The following UROC1 variants were observed in gnomAD, a reference collection of about 807,000 sequenced individuals.
The protein encoded by UROC1 is urocanate hydratase.
Under a neutral mutation model 89.5 loss-of-function variants are expected in UROC1, and 79 were observed. That is an observed-to-expected ratio of 0.88 (90% CI 0.74 to 1.06). UROC1 has a LOEUF of 1.06. Ranked by LOEUF, UROC1 falls within the 50% of genes least tolerant of loss-of-function variation. The pLI is 0.00. For synonymous variants in UROC1, 361 were observed against 354.8 expected, an observed-to-expected ratio of 1.02 and a Z score of -0.20; for missense variants, 885 against 907.8, an observed-to-expected ratio of 0.97 and a Z score of 0.32.
chr3:126,486,316 A>G (rs1935514737), intron 18 of UROC1, among the ~76,000 whole-genome samples: 1 of 152,212 alleles, frequency 6.6e-6, no homozygotes, highest in Admixed American at 6.5e-5. Context: ...TCCTCCCAAT[A>G]GGGAAAGGAG....
chr3:126,502,202 T>TTG (rs932628373), intron 9 of UROC1, among the ~76,000 whole-genome samples: 1 of 151,790 alleles, frequency 6.6e-6, no homozygotes, highest in African/African-American at 2.4e-5. Flanking sequence ...TTGCGTGTGT[T>TTG]TGTGTGTGTG....
chr3:126,482,337 T>G lies in UROC1; in HGVS notation c.*8A>C, dbSNP rs1259856100. 27 of 1,611,838 alleles carry G rather than the reference T, an allele frequency of 1.7e-5. No individual in the cohort carries two copies. The highest frequency in any genetic ancestry group is 1.9e-5 in the Non-Finnish European group (22 of 1,179,156). On this transcript the variant is annotated 3_prime_UTR_variant, in exon 20 of 20. Coordinates refer to ENST00000290868, the MANE Select transcript of UROC1 (RefSeq NM_144639.3). Reference sequence around the variant, plus strand: ...GAAGGGAGGCAGGGGCCGCGACTCCTGGCTCCCTCAGAGCTGCAGGGCCTG... The same window carrying G: ...GAAGGGAGGCAGGGGCCGCGACTCCGGGCTCCCTCAGAGCTGCAGGGCCTG...
chr3:126,501,559 G>A (rs1303365557), intron 9 of UROC1, among the ~76,000 whole-genome samples: 2 of 152,250 alleles, frequency 1.3e-5, no homozygotes, highest in African/African-American at 4.8e-5. Flanking sequence ...CATGGAATTC[G>A]GGTTATTGAT....
rs771230513 is a variant in UROC1 at position 126,505,687 on chromosome 3, G to A, written c.813+14C>T. On this transcript the variant is annotated intron_variant, in intron 8 of 19. Coordinates refer to ENST00000290868, the MANE Select transcript of UROC1 (RefSeq NM_144639.3). ...AGGCAGGCAGGAGCGAAGGCCAGGA[G>A]CCCCCCAGCTTACCTCTGCTATCAC... 62 of 1,613,182 alleles carry A rather than the reference G, an allele frequency of 3.8e-5. No homozygotes were observed. The highest frequency in any genetic ancestry group is 1.2e-4 in the African/African-American group (9 of 74,854).
chr3:126,482,130 A>G lies in UROC1; in HGVS notation c.*215T>C. ...CCTTCAGGGCTCCCATGCAAGTGGC[A>G]TGGTTGTGGACAGAGAGCTGCATGT... On this transcript the variant is annotated 3_prime_UTR_variant, in exon 20 of 20. Transcript: ENST00000290868. The G allele has an allele frequency of 1.5e-6, 1 of 654,802 alleles. No homozygotes were observed. Among genetic ancestry groups the G allele is most frequent in the Non-Finnish European group, 2.6e-6 (1 of 390,028 alleles). 40.6% of individuals were successfully genotyped at this position (654,802 alleles called of 1,614,324 possible).
At chr3:126,514,888 G>A (rs1432678675) in intron 1 of UROC1, among the ~76,000 whole-genome samples, 1 of 151,760 alleles carries the variant, frequency 6.6e-6, no homozygotes, top group Non-Finnish European at 1.5e-5. Context: ...GGTGAACTGG[G>A]GAATTTACAC....
intron 13 of UROC1, 102 bp from the exon 14 acceptor site, chr3:126,498,274 A>T: frequency 6.3e-7 from 1 of 1,596,644 alleles, no homozygotes; most frequent in Non-Finnish European, 8.5e-7. Context: ...TCCAGAAGTC[A>T]GGTGTGGAAC....
intron 6 of UROC1, among the ~76,000 whole-genome samples, chr3:126,506,292 A>G (rs2072562181): frequency 6.6e-6 from 1 of 152,108 alleles, no homozygotes; most frequent in Admixed American, 6.5e-5. Context: ...GGCTGTATAG[A>G]CTCCAGCTGA....
rs747452050 is a variant in UROC1 at position 126,483,413 on chromosome 3, C to T, written c.1846G>A (p.Glu616Lys). The T allele has an allele frequency of 7.4e-6, 12 of 1,613,658 alleles. No homozygotes were observed. In the African/African-American group the frequency reaches 1.5e-4, roughly 20 times the overall value. Residue 616 changes from glutamate (E) to lysine (K), a missense_variant, in exon 19 of 20, where the codon GAG becomes AAG. Transcript: ENST00000290868. ...CTGAGCATCAGCCTGGCTCTCCCCT[C>T]GGCCTCCGGGGTACCGTCCAGCACG... ...GLVLDGTPEA[E>K]GRARLMLSWD...
chr3:126,517,671 G>T lies in UROC1; in HGVS notation c.49C>A (p.Pro17Thr). The T allele has an allele frequency of 1.2e-6, 2 of 1,605,826 alleles. No homozygotes were observed. The highest frequency in any genetic ancestry group is 2.2e-5 in the East Asian group (1 of 44,474). The change falls in exon 1 of 20, where the codon CCA becomes ACA. Residue 17 changes from proline (P) to threonine (T), a missense_variant. Pro to Thr is a conservative substitution (Grantham distance 38, BLOSUM62 -1). Transcript: ENST00000290868. ...CCAGCCTGGCGTCCCCGGTTCTCTGGGAGGGGCCGCAGGGGCAGGCCAGAG... is the reference window on the plus strand; with the variant it reads ...CCAGCCTGGCGTCCCCGGTTCTCTGTGAGGGGCCGCAGGGGCAGGCCAGAG... Reference protein sequence around the residue: ...LCSGLPLRPLPENRGRQAGVP... With the variant: ...LCSGLPLRPLTENRGRQAGVP...
chr3:126,482,240 G>GAGA lies in UROC1; in HGVS notation c.*102_*104dup. On this transcript the variant is annotated 3_prime_UTR_variant, in exon 20 of 20. Transcript: ENST00000290868. ...CCATAAGGGCCACGTGAGGATGTGC[G>GAGA]AGAAGTGCAGGTAGTGCGGGTGTGC... 2 of 1,527,624 alleles carry GAGA rather than the reference G, an allele frequency of 1.3e-6. No homozygotes were observed. Among genetic ancestry groups the GAGA allele is most frequent in the Admixed American group, 3.4e-5 (2 of 58,000 alleles). 94.6% of individuals were successfully genotyped at this position (1,527,624 alleles called of 1,614,324 possible). A position where few individuals can be genotyped will look rare whatever the true frequency, so the allele number is the denominator to read the frequency against.
chr3:126,506,047 G>C (rs1936050867), intron 6 of UROC1, 36 bp from the exon 7 acceptor site: 2 of 1,612,668 alleles, frequency 1.2e-6, no homozygotes, highest in Admixed American at 3.3e-5. Flanking sequence ...CCAGGGCTCA[G>C]CCAGTGCCAG....
chr3:126,485,428 G>T (rs76868008), intron 18 of UROC1, among the ~76,000 whole-genome samples: 1 of 150,198 alleles, frequency 6.7e-6, no homozygotes, highest in Non-Finnish European at 1.5e-5. Flanking sequence ...GGCAGAAGGC[G>T]TGTGGGTGGG....
intron 9 of UROC1, among the ~76,000 whole-genome samples, chr3:126,502,581 T>A (rs1430236885): frequency 6.6e-6 from 1 of 152,112 alleles, no homozygotes; most frequent in Non-Finnish European, 1.5e-5. Flanking sequence ...TGTGTTTGTG[T>A]GTGCATGTGT....
intron 2 of UROC1, among the ~76,000 whole-genome samples, 189 bp downstream of exon 2, chr3:126,510,475 C>T (rs538334514): frequency 6.6e-6 from 1 of 152,334 alleles, no homozygotes; most frequent in East Asian, 1.9e-4. Context: ...AGGCTCAGGG[C>T]GGCAGCCAGC....
chr3:126,506,772 A>T (rs1936069029), intron 6 of UROC1, among the ~76,000 whole-genome samples: 1 of 152,228 alleles, frequency 6.6e-6, no homozygotes, highest in South Asian at 2.1e-4. Flanking sequence ...CTCCATTTAT[A>T]ATGCTTAATG....
chr3:126,502,825 GTGT>G (rs1042710404), intron 9 of UROC1, among the ~76,000 whole-genome samples: 1 of 150,832 alleles, frequency 6.6e-6, no homozygotes, highest in Non-Finnish European at 1.5e-5. Flanking sequence ...GTGCTTATGT[GTGT>G]TAAGTGTGTT....
intron 3 of UROC1, 121 bp downstream of exon 3, chr3:126,509,464 G>C: frequency 2.0e-6 from 2 of 1,005,362 alleles, no homozygotes; most frequent in East Asian, 5.2e-5. Flanking sequence ...TCTCTTACTA[G>C]CTTTGCAACT....
intron 15 of UROC1, among the ~76,000 whole-genome samples, chr3:126,494,518 A>G (rs1218198764): frequency 1.3e-5 from 2 of 152,012 alleles, no homozygotes; most frequent in East Asian, 3.9e-4. Context: ...AATGCAAACC[A>G]TTGCGTATGG....
Sources: gnomAD v4.1 joint callset for allele counts (sites outside exome capture counted in the v4.1 genomes callset) on GRCh38, gnomAD v4.1.1 for gene constraint, MANE v1.5 for transcripts, NCBI Gene and HGNC (gene_info 2026-07-23, HGNC 2026-07-21) for gene names.